The following HDLBP variants were observed in gnomAD, a reference collection of about 807,000 sequenced individuals.
HDLBP encodes the protein vigilin.
A neutral mutation model predicts 137.3 loss-of-function variants in HDLBP; 30 were observed. That is an observed-to-expected ratio of 0.22 (90% confidence interval 0.16 to 0.30). The LOEUF is 0.30. Among genes scored for constraint, HDLBP ranks in the 10% least tolerant of loss-of-function variants. The pLI, the probability that HDLBP is intolerant of heterozygous loss-of-function variation, is 1.00. For missense variants in HDLBP, 1,119 were observed against 1,667.3 expected (o/e 0.67, Z 5.73); for synonymous variants, 606 against 596.0 (o/e 1.02, Z -0.24).
chr2:241,274,996 AAAG>A (rs1285464752), intron 1 of HDLBP, among the ~76,000 whole-genome samples: 1 of 152,184 alleles, frequency 6.6e-6, no homozygotes, highest in Non-Finnish European at 1.5e-5. Context: ...TAGATCAAAA[AAAG>A]AAGAAGAAAA....
chr2:241,270,882 G>A (rs1368580244), intron 1 of HDLBP: 15 of 741,482 alleles, frequency 2.0e-5, no homozygotes, highest in Non-Finnish European at 2.5e-5. Context: ...GGCTAACATC[G>A]GGTATCTCAG....
At position 241,240,303 on chromosome 2, in the gene HDLBP, C is replaced by G. The variant is rs963460826; in HGVS notation, c.2170-181G>C. The G allele has an allele frequency of 2.2e-5, 14 of 646,520 alleles. No homozygotes were observed. In the African/African-American group the frequency reaches 2.5e-4, roughly 12 times the overall value. The allele number at this position is 646,520 out of a possible 1,614,324, so 40.0% of individuals were successfully genotyped here. ...ACCTCACTGAATAAACAGATGAATA[C>G]CCAGACTGCACACCTACTTCTCTTC... On this transcript the variant is annotated intron_variant, in intron 17 of 27. Transcript: ENST00000310931. This position sits in a 1 kb window ranked among gnomAD's most constrained non-coding sequence, Gnocchi z 5.5.
chr2:241,248,362 T>A lies in HDLBP; in HGVS notation c.1513-14A>T. The A allele has an allele frequency of 6.3e-7, 1 of 1,584,760 alleles. No individual in the cohort carries two copies. Among genetic ancestry groups the A allele is most frequent in the Non-Finnish European group, 8.7e-7 (1 of 1,153,280 alleles). ...ACGCTCATTTTCCTAAAAATACAATTAAAGTAGATGTCATTTATCACAAGC... is the reference window on the plus strand; with the variant it reads ...ACGCTCATTTTCCTAAAAATACAATAAAAGTAGATGTCATTTATCACAAGC... On this transcript the variant is annotated splice_polypyrimidine_tract_variant and intron_variant, in intron 12 of 27. Transcript: ENST00000310931.
chr2:241,257,443 C>T (rs571969296), intron 5 of HDLBP, among the ~76,000 whole-genome samples: 45 of 152,180 alleles, frequency 3.0e-4, no homozygotes, highest in African/African-American at 7.5e-4. Flanking sequence ...ATGTTGGCCC[C>T]GATGGTCTCG....
intron 2 of HDLBP, chr2:241,267,469 G>T: frequency 9.8e-7 from 1 of 1,015,482 alleles, no homozygotes; most frequent in Non-Finnish European, 1.5e-6. Flanking sequence ...GGGGTGGGGG[G>T]ACCATGGAAC....
chr2:241,264,426 A>G, intron 4 of HDLBP, 22 bp downstream of exon 4: 1 of 1,545,658 alleles, frequency 6.5e-7, no homozygotes. Context: ...AAAATTTTTA[A>G]AAGAAAGAAT....
rs753081436 is a variant in HDLBP at position 241,230,303 on chromosome 2, TC to T, written c.3475-35del. On this transcript the variant is annotated intron_variant, in intron 25 of 27. Coordinates refer to ENST00000310931, the MANE Select transcript of HDLBP (RefSeq NM_005336.6). This position sits in a 1 kb window ranked among gnomAD's most constrained non-coding sequence, Gnocchi z 5.0. ...GGTGTACAACGTCAGATGAGGGGAC[TC>T]CAAGCGAGGAAAAGGGTTAAAATTA... 4 of 1,286,132 alleles carry T rather than the reference TC, an allele frequency of 3.1e-6. No individual in the cohort carries two copies. The highest frequency in any genetic ancestry group is 3.3e-6 in the Non-Finnish European group (3 of 915,944). 79.7% of individuals were successfully genotyped at this position (1,286,132 alleles called of 1,614,324 possible). A position where few individuals can be genotyped will look rare whatever the true frequency, so the allele number is the denominator to read the frequency against.
rs749706261 is a variant in HDLBP at position 241,255,536 on chromosome 2, T to C, written c.918A>G (p.Gln306=). The stretch of plus-strand genomic sequence containing the variant: ...CCTTGGGCCCAATGACATACTTGTG[T>C]TGGGATTTCTTCACTTCCACTGCAA... The part of the protein sequence containing the change: ...TTIAVEVKKS[Q]HKYVIGPKGN... Residue 306 remains glutamine, a synonymous_variant, in exon 8 of 28, where the codon CAA becomes CAG. Coordinates refer to ENST00000310931, the MANE Select transcript of HDLBP (RefSeq NM_005336.6). 6.2e-7 allele frequency: 1 copy of C among 1,614,098 alleles called. No individual in the cohort carries two copies. The highest frequency in any genetic ancestry group is 1.7e-5 in the Admixed American group (1 of 60,026).
chr2:241,305,091 C>T lies in HDLBP; in HGVS notation c.-103+10479G>A, dbSNP rs118055343. On this transcript the variant is annotated intron_variant, in intron 1 of 27. Transcript: ENST00000310931. The stretch of plus-strand genomic sequence containing the variant: ...GTAAGGCAACACAGCCCTAACTAAA[C>T]GACTCCTGCAAGTGGCTTCACTCTA... Among the ~76,000 whole-genome samples the T allele has an allele frequency of 7.4e-4, 112 of 152,308 alleles. 2 individuals carry two copies. In the East Asian group the frequency reaches 0.019, roughly 25 times the overall value.
chr2:241,284,336 G>C (rs1424644377), intron 1 of HDLBP, among the ~76,000 whole-genome samples: 1 of 147,238 alleles, frequency 6.8e-6, no homozygotes. Context: ...GACTTCAGTG[G>C]AGAAAGCAAC....
In HDLBP at chr2:241,267,492, T is replaced by C. The variant is rs1574974538; in HGVS notation, c.-37-586A>G. On this transcript the variant is annotated intron_variant, in intron 2 of 27. Coordinates refer to ENST00000310931, the MANE Select transcript of HDLBP (RefSeq NM_005336.6). Reference sequence around the variant, plus strand: ...GGGACCATGGAACCTGCCACCTGCCTGACCCAGGCTCCAGGCATAGATCAA... The same window carrying C: ...GGGACCATGGAACCTGCCACCTGCCCGACCCAGGCTCCAGGCATAGATCAA... The C allele has an allele frequency of 3.0e-6, 4 of 1,332,546 alleles. No homozygotes were observed. The East Asian group carries it at 7.6e-5, about 25-fold the overall frequency. The allele number at this position is 1,332,546 out of a possible 1,614,324, so 82.5% of individuals were successfully genotyped here.
intron 1 of HDLBP, among the ~76,000 whole-genome samples, chr2:241,308,852 A>G (rs80079596): frequency 0.069 from 10,498 of 152,218 alleles, 463 homozygotes; most frequent in Middle Eastern, 0.15. Context: ...ATCCACCACC[A>G]GTACTGGGTC....
chr2:241,299,505 C>CAAAAAAAAAA (rs11423330), intron 1 of HDLBP, among the ~76,000 whole-genome samples: 13 of 49,596 alleles, frequency 2.6e-4, no homozygotes, highest in African/African-American at 8.4e-4. Flanking sequence ...GGCTCCGTCT[C>CAAAAAAAAAA]AAAAAAAAAA....
At position 241,239,891 on chromosome 2, in the gene HDLBP, C is replaced by A. The variant is rs747242275; in HGVS notation, c.2391+10G>T. 1.2e-6 allele frequency: 2 copies of A among 1,613,386 alleles called. No homozygotes were observed. Among genetic ancestry groups the A allele is most frequent in the African/African-American group, 2.7e-5 (2 of 74,890 alleles). On this transcript the variant is annotated intron_variant, in intron 18 of 27. Transcript: ENST00000310931. This position sits in a 1 kb window ranked among gnomAD's most constrained non-coding sequence, Gnocchi z 4.6. ...CCCAGCAGAGTCGGCCGCCGAGGCC[C>A]GCTCCCTACCAGGTTTTGGATCAAG...
chr2:241,247,607 A>C (rs1422193345), intron 14 of HDLBP, among the ~76,000 whole-genome samples: 2 of 152,174 alleles, frequency 1.3e-5, no homozygotes, highest in East Asian at 3.9e-4. Context: ...ACACTTTCTA[A>C]ACCTGTTCCC....
At chr2:241,267,300 T>G (rs943111547) in intron 2 of HDLBP, among the ~76,000 whole-genome samples, 1 of 152,194 alleles carries the variant, frequency 6.6e-6, no homozygotes, top group African/African-American at 2.4e-5. Context: ...AAAGCTGTCC[T>G]GGGCCTCGGG....
chr2:241,277,917 C>G lies in HDLBP; in HGVS notation c.-102-9376G>C, dbSNP rs575081525. ...TGGAGGTTGCCGTGGGCCGAGACCA[C>G]GCCATTGCACTCCAGTCTGGGAAAC... is the stretch of plus-strand genomic sequence containing the variant. On this transcript the variant is annotated intron_variant, in intron 1 of 27. Transcript: ENST00000310931. Among the ~76,000 whole-genome samples, 3 of 152,020 alleles carry G rather than the reference C, an allele frequency of 2.0e-5. No homozygotes were observed. The East Asian group carries it at 5.8e-4, about 30-fold the overall frequency.
chr2:241,271,365 G>T (rs1181956565), intron 1 of HDLBP, among the ~76,000 whole-genome samples: 3 of 151,140 alleles, frequency 2.0e-5, no homozygotes, highest in Non-Finnish European at 2.9e-5. Flanking sequence ...AACAGAACTA[G>T]AACTAAAGGA....
chr2:241,235,067 G>A, intron 23 of HDLBP, 54 bp downstream of exon 23: 1 of 1,593,804 alleles, frequency 6.3e-7, no homozygotes, highest in Admixed American at 1.7e-5. Flanking sequence ...TCTGACATGT[G>A]CCCAAAGCTG....
Sources: gnomAD v4.1 joint callset for allele counts (sites outside exome capture counted in the v4.1 genomes callset) on GRCh38, gnomAD v4.1.1 for gene constraint, Gnocchi (gnomAD v3.1) non-coding constraint, MANE v1.5 for transcripts, NCBI Gene and HGNC (gene_info 2026-07-23, HGNC 2026-07-21) for gene names.